Variants in ARB2A observed in about 807,000 individuals in gnomAD.
ARB2A encodes cotranscriptional regulator ARB2A.
the ARB2A span, among the ~76,000 whole-genome samples, chr5:93,699,667 C>G: frequency 1.3e-5 from 2 of 152,042 alleles, no homozygotes. Flanking sequence ...CAGGCTTGTG[C>G]TCAGACACTA....
the ARB2A span, chr5:93,824,122 C>A: frequency 6.5e-7 from 1 of 1,540,446 alleles, no homozygotes; most frequent in Non-Finnish European, 8.8e-7. Flanking sequence ...GAGACTGGAA[C>A]TACAGAGAGT....
the ARB2A span, among the ~76,000 whole-genome samples, chr5:94,009,403 G>A: frequency 6.6e-6 from 1 of 151,854 alleles, no homozygotes; most frequent in Admixed American, 6.6e-5. Flanking sequence ...AAGTTCCCCA[G>A]TATAAGAAGT....
chr5:93,856,794 T>C, the ARB2A span, among the ~76,000 whole-genome samples: 3 of 152,074 alleles, frequency 2.0e-5, no homozygotes, highest in Non-Finnish European at 2.9e-5. Flanking sequence ...TCAAAGTCAT[T>C]CTCTGTCCAG....
At chr5:93,731,700 T>C in the ARB2A span, among the ~76,000 whole-genome samples, 2 of 152,198 alleles carry the variant, frequency 1.3e-5, no homozygotes, top group South Asian at 4.1e-4. Flanking sequence ...TTATACACTG[T>C]CCTGGCCACT....
chr5:93,857,131 G>A, the ARB2A span, among the ~76,000 whole-genome samples: 5 of 152,126 alleles, frequency 3.3e-5, no homozygotes, highest in African/African-American at 1.2e-4. Flanking sequence ...CTGTCTGATC[G>A]TTCCTCTGGA....
the ARB2A span, among the ~76,000 whole-genome samples, chr5:93,792,625 C>A: frequency 7.0e-6 from 1 of 143,832 alleles, no homozygotes; most frequent in African/African-American, 2.6e-5. Flanking sequence ...CACGCATGTT[C>A]TCACTCATAG....
At chr5:93,805,056 T>C in the ARB2A span, 2 of 962,146 alleles carry the variant, frequency 2.1e-6, no homozygotes, top group East Asian at 1.2e-4. Context: ...CATTTTAATA[T>C]ATAATTAATG....
chr5:93,703,913 A>G, the ARB2A span, among the ~76,000 whole-genome samples: 1 of 152,282 alleles, frequency 6.6e-6, no homozygotes, highest in Non-Finnish European at 1.5e-5. Context: ...GCACCCTATC[A>G]GCAGCTCTGT....
the ARB2A span, chr5:93,621,181 G>A: frequency 1.3e-6 from 2 of 1,531,138 alleles, no homozygotes; most frequent in Non-Finnish European, 1.8e-6. Flanking sequence ...GGCCAGGCGC[G>A]GTGAGGGCGG....
the ARB2A span, among the ~76,000 whole-genome samples, chr5:94,021,576 T>TGTGTATTC: frequency 9.5e-3 from 1,441 of 152,292 alleles, 24 homozygotes; most frequent in African/African-American, 0.033. Flanking sequence ...CTGAAGTTTG[T>TGTGTATTC]GTGTATTCTG....
the ARB2A span, among the ~76,000 whole-genome samples, chr5:93,951,991 T>C: frequency 6.6e-6 from 1 of 152,170 alleles, no homozygotes; most frequent in Non-Finnish European, 1.5e-5. Flanking sequence ...AGGTCACACA[T>C]GATCTGTATC....
At chr5:93,757,105 T>C in the ARB2A span, among the ~76,000 whole-genome samples, 11 of 152,046 alleles carry the variant, frequency 7.2e-5, no homozygotes, top group South Asian at 2.1e-4. Context: ...AGCGATAGAA[T>C]TGAACAAGTA....
the ARB2A span, among the ~76,000 whole-genome samples, chr5:93,932,130 A>C: frequency 6.6e-6 from 1 of 152,230 alleles, no homozygotes; most frequent in Non-Finnish European, 1.5e-5. Flanking sequence ...GTTTTTAGCC[A>C]CATGAACGCT....
chr5:93,879,145 G>A, the ARB2A span, among the ~76,000 whole-genome samples: 1 of 152,018 alleles, frequency 6.6e-6, no homozygotes, highest in African/African-American at 2.4e-5. Flanking sequence ...GTAGAGAGAA[G>A]AAGAGCACTA....
At chr5:94,096,429 G>C in the ARB2A span, among the ~76,000 whole-genome samples, 1 of 152,036 alleles carries the variant, frequency 6.6e-6, no homozygotes, top group Non-Finnish European at 1.5e-5. Context: ...CTTTTCTACT[G>C]TTTTCTTATA....
the ARB2A span, among the ~76,000 whole-genome samples, chr5:93,748,002 T>G: frequency 6.6e-6 from 1 of 152,220 alleles, no homozygotes; most frequent in South Asian, 2.1e-4. Context: ...CATGGCATTG[T>G]TGGCAAGTGC....
chr5:93,939,555 T>C, the ARB2A span, among the ~76,000 whole-genome samples: 1 of 152,202 alleles, frequency 6.6e-6, no homozygotes, highest in African/African-American at 2.4e-5. Context: ...TGGTTTTCAT[T>C]ATCAAAAGGA....
chr5:93,999,548 G>A, the ARB2A span, among the ~76,000 whole-genome samples: 4 of 151,684 alleles, frequency 2.6e-5, no homozygotes, highest in Non-Finnish European at 5.9e-5. Context: ...CAGCAAAATC[G>A]AGAGGAAGGT....
At chr5:94,040,874 A>T in the ARB2A span, among the ~76,000 whole-genome samples, 1 of 152,184 alleles carries the variant, frequency 6.6e-6, no homozygotes, top group East Asian at 1.9e-4. Flanking sequence ...TTGGGTGCTA[A>T]GCAGAGGAGC....
Sources: gnomAD v4.1 joint callset for allele counts (sites outside exome capture counted in the v4.1 genomes callset) on GRCh38, gnomAD v4.1.1 for gene constraint, MANE v1.5 for transcripts, NCBI Gene and HGNC (gene_info 2026-07-23, HGNC 2026-07-21) for gene names.